The following ANXA8 variants were observed in gnomAD, a reference collection of about 807,000 sequenced individuals.
ANXA8 encodes annexin A8.
In ANXA8, 9 loss-of-function variants were observed where a neutral mutation model predicts 26.8. The observed-to-expected ratio is 0.34, with a 90% confidence interval of 0.20 to 0.59. The LOEUF (loss-of-function observed/expected upper bound fraction) is 0.59, where lower values mean the gene tolerates loss of function less well. ANXA8 is among the 20% of genes least tolerant of loss of function. The pLI is 0.84. For missense variants in ANXA8, 83 were observed against 238.5 expected, an observed-to-expected ratio of 0.35 and a Z score of 4.29; for synonymous variants, 39 against 94.8, an observed-to-expected ratio of 0.41 and a Z score of 3.42.
chr10:47,590,168 G>C, the ANXA8 span: 1 of 146,654 alleles, frequency 6.8e-6, no homozygotes, highest in Non-Finnish European at 1.5e-5. Flanking sequence ...GTGAGCACCT[G>C]CAGGATACAC....
chr10:47,609,384 G>A, the ANXA8 span, among the ~76,000 whole-genome samples: 1 of 131,438 alleles, frequency 7.6e-6, no homozygotes, highest in Non-Finnish European at 1.6e-5. Flanking sequence ...CACGATGATT[G>A]AGGAACAACA....
chr10:47,565,247 C>A, the ANXA8 span: 2 of 583,196 alleles, frequency 3.4e-6, no homozygotes, highest in Admixed American at 6.1e-5. Context: ...GGCCCCACTG[C>A]CATGGCTGCC....
the ANXA8 span, among the ~76,000 whole-genome samples, chr10:47,594,758 T>C: frequency 1.1e-3 from 167 of 147,206 alleles, 12 homozygotes; most frequent in African/African-American, 4.3e-3. Context: ...TCAAGAAATA[T>C]GGGATTATGT....
At chr10:47,733,235 C>A in the ANXA8 span, among the ~76,000 whole-genome samples, 1 of 47,112 alleles carries the variant, frequency 2.1e-5, no homozygotes, top group Non-Finnish European at 4.0e-5. Context: ...TTCTTTCTCT[C>A]TTTCTTTCTT....
the ANXA8 span, among the ~76,000 whole-genome samples, chr10:47,736,663 C>CT: frequency 6.2e-4 from 92 of 149,158 alleles, no homozygotes; most frequent in African/African-American, 1.6e-3. Context: ...TTTTCTTTTT[C>CT]TTTTTTTTTG....
chr10:47,675,981 C>CA, the ANXA8 span, among the ~76,000 whole-genome samples: 5 of 138,072 alleles, frequency 3.6e-5, no homozygotes, highest in East Asian at 2.0e-4. Flanking sequence ...CCAGGGAAAA[C>CA]AAAAAAAGGA....
the ANXA8 span, among the ~76,000 whole-genome samples, chr10:47,666,093 TA>T: frequency 6.7e-6 from 1 of 150,314 alleles, no homozygotes; most frequent in South Asian, 2.1e-4. Context: ...CAAGAATCTT[TA>T]GAAATAACTT....
the ANXA8 span, among the ~76,000 whole-genome samples, chr10:47,946,104 C>T: frequency 6.7e-6 from 1 of 149,004 alleles, no homozygotes; most frequent in Non-Finnish European, 1.5e-5. Flanking sequence ...AGAATGCCTA[C>T]ACTCTGCTCT....
chr10:47,487,092 G>A, upstream of ANXA8: 1 of 889,514 alleles, frequency 1.1e-6, no homozygotes, highest in Non-Finnish European at 1.7e-6. Context: ...CACCCTGATT[G>A]ATCACTATTC....
At chr10:47,587,868 G>T in the ANXA8 span, among the ~76,000 whole-genome samples, 2 of 146,176 alleles carry the variant, frequency 1.4e-5, no homozygotes, top group East Asian at 3.9e-4. Context: ...GTCCAACAGC[G>T]ATTGGCCACA....
At chr10:47,541,138 C>A in the ANXA8 span, among the ~76,000 whole-genome samples, 1 of 114,870 alleles carries the variant, frequency 8.7e-6, no homozygotes, top group East Asian at 3.2e-4. Flanking sequence ...CCAGCCTAGG[C>A]AACATAGTGA....
the ANXA8 span, chr10:47,581,393 A>C: frequency 2.4e-6 from 1 of 419,892 alleles, no homozygotes; most frequent in South Asian, 1.9e-5. Context: ...TTAAGAAGCA[A>C]GAGATTAATT....
chr10:47,933,565 G>T, the ANXA8 span, among the ~76,000 whole-genome samples: 18 of 34,166 alleles, frequency 5.3e-4, 7 homozygotes, highest in African/African-American at 2.1e-3. Context: ...CAGGTCCAGA[G>T]GAGATATTGG....
At chr10:47,779,192 C>T in the ANXA8 span, among the ~76,000 whole-genome samples, 2 of 118,670 alleles carry the variant, frequency 1.7e-5, no homozygotes, top group African/African-American at 6.8e-5. Context: ...CTGCCTTCCT[C>T]GGGCTAGCTC....
chr10:47,506,381 G>A, the ANXA8 span, among the ~76,000 whole-genome samples: 27 of 135,808 alleles, frequency 2.0e-4, no homozygotes, highest in East Asian at 1.3e-3. Context: ...CCCAGGCTGG[G>A]GTGCAATGGC....
At chr10:47,768,616 T>G in the ANXA8 span, among the ~76,000 whole-genome samples, 1 of 144,818 alleles carries the variant, frequency 6.9e-6, no homozygotes. Context: ...GGGAGGGGGG[T>G]GTGCTCGGGG....
chr10:47,561,460 A>C, the ANXA8 span, among the ~76,000 whole-genome samples: 17 of 151,854 alleles, frequency 1.1e-4, no homozygotes, highest in African/African-American at 3.9e-4. Flanking sequence ...AATTTATCTC[A>C]AAGAAACTTA....
chr10:47,645,910 T>G, the ANXA8 span, among the ~76,000 whole-genome samples: 1 of 149,568 alleles, frequency 6.7e-6, no homozygotes. Flanking sequence ...TTCTCAGACT[T>G]TTGGGCTTAG....
the ANXA8 span, among the ~76,000 whole-genome samples, chr10:47,985,125 G>C: frequency 8.1e-6 from 1 of 122,728 alleles, no homozygotes; most frequent in Non-Finnish European, 1.9e-5. Context: ...AAACTCAACA[G>C]TAAAAAAAAA....
Sources: allele counts gnomAD v4.1 joint callset (sites outside exome capture counted in the v4.1 genomes callset), GRCh38; gene constraint gnomAD v4.1.1; transcripts MANE v1.5; gene names NCBI Gene and HGNC (gene_info 2026-07-23, HGNC 2026-07-21).